Variants in COL5A2 observed in about 807,000 individuals in gnomAD.
COL5A2 encodes collagen alpha-2(V) chain.
COL5A2 carries 23 observed loss-of-function variants against 208.2 expected under a neutral mutation model. The observed-to-expected ratio is 0.11, with a 90% confidence interval of 0.08 to 0.16. The LOEUF (loss-of-function observed/expected upper bound fraction) is 0.16. COL5A2 is among the 10% of genes least tolerant of loss of function. The pLI, the probability that COL5A2 is intolerant of heterozygous loss-of-function variation, is 1.00. For synonymous variants in COL5A2, 625 were observed against 628.5 expected, an observed-to-expected ratio of 0.99 and a Z score of 0.08; for missense variants, 1,590 against 1,956.4, an observed-to-expected ratio of 0.81 and a Z score of 3.53.
upstream of COL5A2, among the ~76,000 whole-genome samples, chr2:189,225,445 C>G (rs543683852): frequency 4.3e-4 from 65 of 152,178 alleles, 1 homozygote; most frequent in Admixed American, 3.7e-3. Flanking sequence ...ATTATCTTAA[C>G]CTAAAAAACT....
chr2:189,428,973 G>A, the COL5A2 span, among the ~76,000 whole-genome samples: 3 of 152,148 alleles, frequency 2.0e-5, no homozygotes, highest in Non-Finnish European at 4.4e-5. Context: ...GTGGTTGTTA[G>A]GGAGATTTTG....
chr2:189,367,054 G>A, the COL5A2 span, among the ~76,000 whole-genome samples: 5,522 of 152,212 alleles, frequency 0.036, 115 homozygotes, highest in Admixed American at 0.05. Flanking sequence ...AACAACTGTG[G>A]CAACCACATA....
chr2:189,354,003 G>A, the COL5A2 span, among the ~76,000 whole-genome samples: 4 of 152,164 alleles, frequency 2.6e-5, no homozygotes, highest in Non-Finnish European at 5.9e-5. Flanking sequence ...AAGCGATGTT[G>A]AATATTGTCA....
In COL5A2 at chr2:189,086,893, A is replaced by G. The variant is rs1686675263; in HGVS notation, c.646-123T>C. ...AGTTTTGACAAAGGGGGATGATGAC[A>G]TTCTCCATCTGTACTCATTTGGAAG... On this transcript the variant is annotated intron_variant, in intron 8 of 53. Transcript: ENST00000374866. 3.8e-6 allele frequency: 3 copies of G among 789,068 alleles called. No individual in the cohort carries two copies. The African/African-American group carries it at 5.1e-5, about 13-fold the overall frequency. The allele number at this position is 789,068 out of a possible 1,614,324, so 48.9% of individuals were successfully genotyped here. A position where few individuals can be genotyped will look rare whatever the true frequency, so the allele number is the denominator to read the frequency against.
the COL5A2 span, among the ~76,000 whole-genome samples, chr2:189,286,827 G>A: frequency 6.6e-6 from 1 of 152,044 alleles, no homozygotes; most frequent in Non-Finnish European, 1.5e-5. Flanking sequence ...ATTTTTAACA[G>A]CAGAGAAAAA....
chr2:189,416,478 G>A, the COL5A2 span, among the ~76,000 whole-genome samples: 46 of 152,186 alleles, frequency 3.0e-4, no homozygotes, highest in African/African-American at 9.2e-4. Context: ...ACCAAACACC[G>A]CATGTTCTCA....
chr2:189,335,472 G>A, the COL5A2 span, among the ~76,000 whole-genome samples: 1 of 152,022 alleles, frequency 6.6e-6, no homozygotes, highest in Non-Finnish European at 1.5e-5. Context: ...ATACTTGAGA[G>A]AATGGAAAAC....
the COL5A2 span, among the ~76,000 whole-genome samples, chr2:189,441,020 T>A: frequency 6.6e-6 from 1 of 152,096 alleles, no homozygotes; most frequent in Non-Finnish European, 1.5e-5. Flanking sequence ...AAGAGAAAGC[T>A]ACCTTTCCAC....
At chr2:189,401,750 A>G in the COL5A2 span, among the ~76,000 whole-genome samples, 1 of 152,174 alleles carries the variant, frequency 6.6e-6, no homozygotes. Flanking sequence ...TTTTAATATT[A>G]ATAATAGCCA....
At chr2:189,057,494 T>C (rs1441654425) in intron 33 of COL5A2, 67 bp from the exon 34 acceptor site, 15 of 1,200,214 alleles carry the variant, frequency 1.2e-5, no homozygotes, top group Non-Finnish European at 1.9e-5. Flanking sequence ...AATTGCTTTT[T>C]AGTGGGTCAA....
chr2:189,425,498 G>A, the COL5A2 span, among the ~76,000 whole-genome samples: 1 of 152,108 alleles, frequency 6.6e-6, no homozygotes, highest in Non-Finnish European at 1.5e-5. Flanking sequence ...TATACACAAT[G>A]AAATACTATG....
the COL5A2 span, among the ~76,000 whole-genome samples, chr2:189,365,283 A>G: frequency 2.0e-5 from 3 of 152,184 alleles, no homozygotes; most frequent in South Asian, 2.1e-4. Flanking sequence ...GTTGCTTTCT[A>G]CTCACTGAAT....
intron 1 of COL5A2, among the ~76,000 whole-genome samples, chr2:189,160,892 G>A (rs1353960734): frequency 6.9e-5 from 10 of 144,156 alleles, no homozygotes; most frequent in South Asian, 2.2e-4. Context: ...GTGCAATGGC[G>A]CGATCTCAGC....
chr2:189,332,463 T>C, the COL5A2 span, among the ~76,000 whole-genome samples: 1 of 152,224 alleles, frequency 6.6e-6, no homozygotes, highest in Admixed American at 6.5e-5. Flanking sequence ...CCAAATCGCA[T>C]CTTGAATTCC....
chr2:189,354,704 A>T, the COL5A2 span, among the ~76,000 whole-genome samples: 1 of 151,600 alleles, frequency 6.6e-6, no homozygotes, highest in African/African-American at 2.4e-5. Context: ...CATTCTATCT[A>T]TTTTGTTGAT....
At chr2:189,435,593 C>T in the COL5A2 span, among the ~76,000 whole-genome samples, 1 of 152,270 alleles carries the variant, frequency 6.6e-6, no homozygotes, top group African/African-American at 2.4e-5. Context: ...CCATCACTGG[C>T]CATGAGAGAA....
the COL5A2 span, among the ~76,000 whole-genome samples, chr2:189,319,452 A>C: frequency 6.6e-6 from 1 of 152,256 alleles, no homozygotes; most frequent in African/African-American, 2.4e-5. Context: ...CTGGAAAATC[A>C]GGTCACTCCC....
chr2:189,183,491 A>G (rs144196334), upstream of COL5A2, among the ~76,000 whole-genome samples: 12 of 152,172 alleles, frequency 7.9e-5, 1 homozygote, highest in Non-Finnish European at 2.9e-5. Context: ...TGAGCTACAG[A>G]CCTATATTTT....
At chr2:189,184,056 T>G (rs1232843897), upstream of COL5A2, among the ~76,000 whole-genome samples, 1 of 152,182 alleles carries the variant, frequency 6.6e-6, no homozygotes, top group African/African-American at 2.4e-5. Context: ...GGTCCCTGAT[T>G]CCACACAGCT....
Sources: gnomAD v4.1 joint callset for allele counts (sites outside exome capture counted in the v4.1 genomes callset) on GRCh38, gnomAD v4.1.1 for gene constraint, MANE v1.5 for transcripts, NCBI Gene and HGNC (gene_info 2026-07-23, HGNC 2026-07-21) for gene names.